RASEF: variants seen among roughly 807,000 people sequenced by gnomAD.
The protein encoded by RASEF is RAS and EF-hand domain containing, also known as ras and EF-hand domain-containing protein.
In RASEF, 68 loss-of-function variants were observed where a neutral mutation model predicts 90.1. The ratio of observed to expected loss-of-function variants is 0.75; its 90% CI spans 0.62 to 0.92. The LOEUF (loss-of-function observed/expected upper bound fraction) is 0.92. Ranked by LOEUF, RASEF falls within the 40% of genes least tolerant of loss-of-function variation. The pLI, the probability that RASEF is intolerant of heterozygous loss-of-function variation, is 0.00. For synonymous variants in RASEF, 331 were observed against 345.2 expected (o/e 0.96, Z 0.46); for missense variants, 949 against 937.2 (o/e 1.01, Z -0.16).
At chr9:83,144,813 C>A in the RASEF span, among the ~76,000 whole-genome samples, 1 of 152,170 alleles carries the variant, frequency 6.6e-6, no homozygotes, top group Non-Finnish European at 1.5e-5. Context: ...GTGGCATGAA[C>A]TAAAATGTTG....
chr9:83,115,037 T>C, the RASEF span, among the ~76,000 whole-genome samples: 3 of 152,292 alleles, frequency 2.0e-5, no homozygotes, highest in Non-Finnish European at 4.4e-5. Context: ...CGACATGTGA[T>C]GTCTCCCCCA....
chr9:83,170,209 G>A, the RASEF span, among the ~76,000 whole-genome samples: 1 of 151,840 alleles, frequency 6.6e-6, no homozygotes, highest in Admixed American at 6.6e-5. Context: ...TATGTTATTG[G>A]CACCTTTGTC....
chr9:83,218,266 C>A, the RASEF span, among the ~76,000 whole-genome samples: 1 of 152,178 alleles, frequency 6.6e-6, no homozygotes, highest in African/African-American at 2.4e-5. Context: ...CTGCGCCTCC[C>A]TTTCCTCTTC....
At chr9:83,022,527 T>G (rs1344227663) in intron 2 of RASEF, 101 bp from the exon 3 acceptor site, 1 of 814,070 alleles carries the variant, frequency 1.2e-6, no homozygotes, top group South Asian at 1.5e-5. Context: ...ATATTACAGA[T>G]GAAGAGAAAC....
chr9:83,137,394 A>G, the RASEF span, among the ~76,000 whole-genome samples: 1 of 152,164 alleles, frequency 6.6e-6, no homozygotes, highest in African/African-American at 2.4e-5. Context: ...AATCATAACA[A>G]CTGGTTAATT....
chr9:83,062,618 C>T lies in RASEF; in HGVS notation c.250G>A (p.Gly84Ser), dbSNP rs1203468277. The T allele has an allele frequency of 6.4e-7, 1 of 1,557,420 alleles. No homozygotes were observed. The highest frequency in any genetic ancestry group is 2.4e-5 in the East Asian group (1 of 41,850). Reference protein sequence around the residue: ...SLRGGRRRDWGPLDPAPAVSE... With the variant: ...SLRGGRRRDWSPLDPAPAVSE... Reference sequence around the variant, plus strand: ...ACGGCGGGCGCGGGATCCAGAGGACCCCAGTCCCGGCGCCGCCCCCCGCGG... The same window carrying T: ...ACGGCGGGCGCGGGATCCAGAGGACTCCAGTCCCGGCGCCGCCCCCCGCGG... The change falls in exon 1 of 17, where the codon GGT (glycine) becomes AGT (serine). Residue 84 changes from glycine (G) to serine (S), a missense_variant. Gly to Ser is a moderately conservative substitution (Grantham distance 56). Coordinates refer to ENST00000376447, the MANE Select transcript of RASEF (RefSeq NM_152573.4).
At chr9:83,047,943 T>C (rs1264588924) in intron 1 of RASEF, among the ~76,000 whole-genome samples, 2 of 152,206 alleles carry the variant, frequency 1.3e-5, no homozygotes, top group Non-Finnish European at 2.9e-5. Context: ...CTATGCAAAA[T>C]TGGAAATTTG....
At chr9:83,138,413 T>C in the RASEF span, among the ~76,000 whole-genome samples, 5 of 152,280 alleles carry the variant, frequency 3.3e-5, no homozygotes, top group East Asian at 9.6e-4. Flanking sequence ...GACAAGAGGA[T>C]AAAAGCAATC....
Position 83,052,951 on chromosome 9 carries a change from G to A in RASEF, c.431+9486C>T, listed in dbSNP as rs370845700. ...TGTTCTTTTACATTTGCTGAGGAGA[G>A]CTTTACTTCCAAGTATGTGGTCAAT... On this transcript the variant is annotated intron_variant, in intron 1 of 16. Coordinates refer to ENST00000376447, the MANE Select transcript of RASEF (RefSeq NM_152573.4). 3.4e-3 allele frequency among the ~76,000 whole-genome samples: 485 copies of A among 144,012 alleles called. 11 individuals are homozygous for A. Among genetic ancestry groups the A allele is most frequent in the African/African-American group, 0.011 (409 of 36,426 alleles). 94.5% of individuals were successfully genotyped at this position (144,012 alleles called of 152,430 possible). A position where few individuals can be genotyped will look rare whatever the true frequency, so the allele number is the denominator to read the frequency against.
At chr9:83,033,926 G>C (rs545267722) in intron 1 of RASEF, among the ~76,000 whole-genome samples, 2 of 152,220 alleles carry the variant, frequency 1.3e-5, no homozygotes, top group Admixed American at 6.5e-5. Flanking sequence ...AATCACACTT[G>C]TCTAGTCAGT....
At chr9:83,020,111 T>TAA (rs531893688) in intron 3 of RASEF, among the ~76,000 whole-genome samples, 1 of 151,034 alleles carries the variant, frequency 6.6e-6, no homozygotes, top group African/African-American at 2.4e-5. Flanking sequence ...CTGTTACAGT[T>TAA]AAAAAAAAAT....
chr9:83,017,321 T>TA lies in RASEF; in HGVS notation c.670-1422dup, dbSNP rs1174147161. ...TAACACGGTGAAACCTCGTCTCTAC[T>TA]AAAAAAAAAAAAAAAAAAAAAGAAA... On this transcript the variant is annotated intron_variant, in intron 3 of 16. Coordinates refer to ENST00000376447, the MANE Select transcript of RASEF (RefSeq NM_152573.4). Among the ~76,000 whole-genome samples, 321 of 128,214 alleles carry TA rather than the reference T, an allele frequency of 2.5e-3. 1 individual carries two copies. Among genetic ancestry groups the TA allele is most frequent in the Middle Eastern group, 8.4e-3 (2 of 238 alleles). 84.1% of individuals were successfully genotyped at this position (128,214 alleles called of 152,430 possible). A position where few individuals can be genotyped will look rare whatever the true frequency, so the allele number is the denominator to read the frequency against.
At chr9:83,197,763 G>C in the RASEF span, among the ~76,000 whole-genome samples, 4 of 152,164 alleles carry the variant, frequency 2.6e-5, no homozygotes, top group Non-Finnish European at 5.9e-5. Flanking sequence ...ACATGCAACT[G>C]TTCCCTTTTT....
chr9:83,218,764 T>C, the RASEF span, among the ~76,000 whole-genome samples: 1 of 152,212 alleles, frequency 6.6e-6, no homozygotes, highest in Non-Finnish European at 1.5e-5. Context: ...CTCCCACATC[T>C]GGATTCGGCT....
chr9:83,183,134 C>T, the RASEF span, among the ~76,000 whole-genome samples: 1 of 152,018 alleles, frequency 6.6e-6, no homozygotes, highest in Admixed American at 6.6e-5. Context: ...AAATTATATT[C>T]TATATCCAAT....
intron 2 of RASEF, among the ~76,000 whole-genome samples, chr9:83,024,376 G>C (rs550530683): frequency 2.0e-5 from 3 of 152,246 alleles, no homozygotes; most frequent in African/African-American, 4.8e-5. Flanking sequence ...TTAGATGGGG[G>C]GCATGTGTAT....
the RASEF span, among the ~76,000 whole-genome samples, chr9:83,093,102 G>A: frequency 6.6e-6 from 1 of 152,164 alleles, no homozygotes; most frequent in Non-Finnish European, 1.5e-5. Flanking sequence ...CCCTGAGCTA[G>A]ACACAGGGTG....
In RASEF at chr9:83,049,118, C is replaced by T. The variant is rs537098522; in HGVS notation, c.431+13319G>A. On this transcript the variant is annotated intron_variant, in intron 1 of 16. Transcript: ENST00000376447. Reference sequence around the variant, plus strand: ...CAGCCAGGGTGACAGAGTGAGACTCCGTCTCCAAAAAAAAAAAAAAAAAGA... The same window carrying T: ...CAGCCAGGGTGACAGAGTGAGACTCTGTCTCCAAAAAAAAAAAAAAAAAGA... 139 of 177,906 alleles carry T rather than the reference C, an allele frequency of 7.8e-4. 2 individuals carry two copies. Among genetic ancestry groups the T allele is most frequent in the East Asian group, 5.8e-4 (3 of 5,170 alleles). 11.0% of individuals were successfully genotyped at this position (177,906 alleles called of 1,614,324 possible). A position where few individuals can be genotyped will look rare whatever the true frequency, so the allele number is the denominator to read the frequency against.
chr9:83,101,986 A>C, the RASEF span, among the ~76,000 whole-genome samples: 37 of 152,312 alleles, frequency 2.4e-4, no homozygotes, highest in African/African-American at 8.4e-4. Flanking sequence ...AGAAACACCT[A>C]GTACTTCAGT....
Sources: gnomAD v4.1 joint callset for allele counts (sites outside exome capture counted in the v4.1 genomes callset) on GRCh38, gnomAD v4.1.1 for gene constraint, MANE v1.5 for transcripts, NCBI Gene and HGNC (gene_info 2026-07-23, HGNC 2026-07-21) for gene names.